The following SLC6A2 variants were observed in gnomAD, a reference collection of about 807,000 sequenced individuals.
SLC6A2 encodes sodium-dependent noradrenaline transporter.
Under a neutral mutation model 71.7 loss-of-function variants are expected in SLC6A2, and 26 were observed. The observed-to-expected ratio is 0.36, with a 90% confidence interval of 0.27 to 0.50. The LOEUF (loss-of-function observed/expected upper bound fraction) is 0.50. Among genes scored for constraint, SLC6A2 ranks in the 20% least tolerant of loss-of-function variants. The pLI is 0.96. For missense variants in SLC6A2, 581 were observed against 803.9 expected (o/e 0.72, Z 3.35); for synonymous variants, 363 against 337.9 (o/e 1.07, Z -0.82).
At chr16:55,665,195 A>T (rs534653584) in intron 2 of SLC6A2, among the ~76,000 whole-genome samples, 4 of 152,236 alleles carry the variant, frequency 2.6e-5, no homozygotes, top group Non-Finnish European at 4.4e-5. Context: ...CTTGAACTTT[A>T]TAATAGAACT....
intron 4 of SLC6A2, among the ~76,000 whole-genome samples, chr16:55,677,303 CAT>C (rs59682566): frequency 0.037 from 5,704 of 152,214 alleles, 374 homozygotes; most frequent in African/African-American, 0.13. Context: ...GCTGCCGACA[CAT>C]GTGATTGGTT....
In SLC6A2 at chr16:55,671,934, C is replaced by G. The variant is rs747006928; in HGVS notation, c.407-4C>G. ...CTCCTACCTTACCCCCTGTCCCTGCCCAGGCGTTGGCTATGCTGTCATCCT... is the reference window on the plus strand; with the variant it reads ...CTCCTACCTTACCCCCTGTCCCTGCGCAGGCGTTGGCTATGCTGTCATCCT... On this transcript the variant is annotated splice_polypyrimidine_tract_variant and splice_region_variant and intron_variant, in intron 3 of 14. Transcript: ENST00000568943. 4 of 1,614,054 alleles carry G rather than the reference C, an allele frequency of 2.5e-6. No individual in the cohort carries two copies. In the South Asian group the frequency reaches 4.4e-5, roughly 18 times the overall value.
At chr16:55,696,187 G>GT (rs1204451557) in intron 8 of SLC6A2, 38 bp from the exon 9 acceptor site, 1 of 1,267,456 alleles carries the variant, frequency 7.9e-7, no homozygotes, top group South Asian at 1.2e-5. Context: ...CAGACCAATG[G>GT]TTTCAGCCAT....
intron 4 of SLC6A2, among the ~76,000 whole-genome samples, chr16:55,679,970 C>A (rs1965219071): frequency 6.6e-6 from 1 of 152,220 alleles, no homozygotes; most frequent in Non-Finnish European, 1.5e-5. Flanking sequence ...TAGCAGCTAG[C>A]AGCATCCCTG....
intron 4 of SLC6A2, among the ~76,000 whole-genome samples, chr16:55,672,550 C>T (rs961491934): frequency 1.2e-4 from 18 of 152,132 alleles, no homozygotes; most frequent in African/African-American, 4.3e-4. Flanking sequence ...AGAACGGTTG[C>T]GTGGGTAGTC....
chr16:55,680,740 G>A (rs1367881070), intron 4 of SLC6A2, among the ~76,000 whole-genome samples: 8 of 152,174 alleles, frequency 5.3e-5, no homozygotes, highest in Admixed American at 5.2e-4. Flanking sequence ...GACAGAATGT[G>A]GGTCTGGCCT....
At position 55,705,366 on chromosome 16, in the gene SLC6A2, A is replaced by G. The variant is rs1966079730; in HGVS notation, c.*3020A>G. On this transcript the variant is annotated 3_prime_UTR_variant, in exon 15 of 15. Coordinates refer to ENST00000568943, the MANE Select transcript of SLC6A2 (RefSeq NM_001172501.3). ...ATATGATCTGTTTTCTAGCCTCGCT[A>G]ATGTGAGACTGAAGCATTCTTACCA... is the stretch of plus-strand genomic sequence containing the variant. 1.3e-6 allele frequency: 1 copy of G among 774,224 alleles called. No individual in the cohort carries two copies. Among genetic ancestry groups the G allele is most frequent in the Non-Finnish European group, 2.1e-6 (1 of 485,080 alleles). 48.0% of individuals were successfully genotyped at this position (774,224 alleles called of 1,614,324 possible).
Position 55,656,532 on chromosome 16 carries a change from G to A in SLC6A2, c.-51-112G>A. On this transcript the variant is annotated intron_variant, in intron 1 of 14. Coordinates refer to ENST00000568943, the MANE Select transcript of SLC6A2 (RefSeq NM_001172501.3). The surrounding 1 kb of genome is among the most constrained non-coding windows in gnomAD (Gnocchi z 4.5). Reference sequence around the variant, plus strand: ...GCGCGCCCTTTTCTGGGAACCCTGCGTCCGCTCAGCGCGCGCTCATCCCAG... The same window carrying A: ...GCGCGCCCTTTTCTGGGAACCCTGCATCCGCTCAGCGCGCGCTCATCCCAG... 2 of 856,160 alleles carry A rather than the reference G, an allele frequency of 2.3e-6. No individual in the cohort carries two copies. The highest frequency in any genetic ancestry group is 1.5e-5 in the South Asian group (1 of 67,452). 53.0% of individuals were successfully genotyped at this position (856,160 alleles called of 1,614,324 possible).
chr16:55,671,595 T>G lies in SLC6A2; in HGVS notation c.407-343T>G, dbSNP rs185437349. ...CTCGCATGACCGCCTGAGCTCCGCC[T>G]CCTGTCAGATCAGCCGCTGCACTAG... On this transcript the variant is annotated intron_variant, in intron 3 of 14. Transcript: ENST00000568943. The G allele has an allele frequency of 1.6e-4, 81 of 497,870 alleles. 1 individual carries two copies. The highest frequency in any genetic ancestry group is 1.4e-3 in the African/African-American group (75 of 52,606). The allele number at this position is 497,870 out of a possible 1,614,324, so 30.8% of individuals were successfully genotyped here.
intron 2 of SLC6A2, among the ~76,000 whole-genome samples, chr16:55,665,910 C>T (rs1368813664): frequency 6.6e-6 from 1 of 152,228 alleles, no homozygotes; most frequent in African/African-American, 2.4e-5. Context: ...CTAAATTCAT[C>T]CAAAGGCCAC....
At chr16:55,698,444 T>C (rs1174558956) in intron 10 of SLC6A2, 25 bp from the exon 11 acceptor site, 3 of 1,564,116 alleles carry the variant, frequency 1.9e-6, no homozygotes. Flanking sequence ...AGAGGGCCTC[T>C]TGGCTTCTTC....
chr16:55,699,511 A>G (rs769434415), intron 11 of SLC6A2, 43 bp from the exon 12 acceptor site: 2 of 1,512,656 alleles, frequency 1.3e-6, no homozygotes, highest in Non-Finnish European at 1.8e-6. Flanking sequence ...GGCCCTGGCT[A>G]TCATGGGGGC....
chr16:55,682,852 C>T (rs1965319268), intron 4 of SLC6A2, among the ~76,000 whole-genome samples: 2 of 152,248 alleles, frequency 1.3e-5, no homozygotes, highest in South Asian at 4.1e-4. Context: ...TTGGGGGCCC[C>T]TGCAGCTCCC....
At chr16:55,698,339 C>T in intron 10 of SLC6A2, 130 bp from the exon 11 acceptor site, 1 of 754,840 alleles carries the variant, frequency 1.3e-6, no homozygotes, top group African/African-American at 1.7e-5. Flanking sequence ...CACCACAGCC[C>T]TATGCCCTGG....
chr16:55,705,312 T>C lies in SLC6A2; in HGVS notation c.*2966T>C. ...AGCTGCCTTAATTCTCAAAAGGAGT[T>C]ACCGCTCAGCTGGGAGCCAGTTCCT... On this transcript the variant is annotated 3_prime_UTR_variant, in exon 15 of 15. Coordinates refer to ENST00000568943, the MANE Select transcript of SLC6A2 (RefSeq NM_001172501.3). The C allele has an allele frequency of 6.9e-7, 1 of 1,452,908 alleles. No homozygotes were observed. Among genetic ancestry groups the C allele is most frequent in the Non-Finnish European group, 9.3e-7 (1 of 1,072,940 alleles). 90.0% of individuals were successfully genotyped at this position (1,452,908 alleles called of 1,614,324 possible).
chr16:55,673,220 A>G (rs1228043551), intron 4 of SLC6A2, among the ~76,000 whole-genome samples: 1 of 152,164 alleles, frequency 6.6e-6, no homozygotes, highest in East Asian at 1.9e-4. Flanking sequence ...GTGGTTATGC[A>G]TTTTGGCGTG....
intron 6 of SLC6A2, among the ~76,000 whole-genome samples, chr16:55,693,559 G>A (rs1302372224): frequency 6.6e-5 from 10 of 152,204 alleles, no homozygotes; most frequent in South Asian, 6.2e-4. Context: ...GATTAAATAC[G>A]TAAGCCCCAT....
In SLC6A2 at chr16:55,695,338, C is replaced by T. The variant is rs1381208710; in HGVS notation, c.1083C>T (p.Ile361=). 1 of 1,614,218 alleles carries T rather than the reference C, an allele frequency of 6.2e-7. No individual in the cohort carries two copies. Among genetic ancestry groups the T allele is most frequent in the Non-Finnish European group, 8.5e-7 (1 of 1,180,022 alleles). Residue 361 remains isoleucine (I), a synonymous_variant, in exon 8 of 15, where the codon ATC becomes ATT. Coordinates refer to ENST00000568943, the MANE Select transcript of SLC6A2 (RefSeq NM_001172501.3). Reference sequence around the variant, plus strand: ...CCAGCTTCGTCTCTGGGTTCGCCATCTTCTCCATCCTTGGTTACATGGCCC... The same window carrying T: ...CCAGCTTCGTCTCTGGGTTCGCCATTTTCTCCATCCTTGGTTACATGGCCC... The part of the protein sequence containing the change: ...CITSFVSGFA[I]FSILGYMAHE...
At position 55,656,389 on chromosome 16, in the gene SLC6A2, T is replaced by G. The variant is rs1964447948; in HGVS notation, c.-52+220T>G. On this transcript the variant is annotated intron_variant, in intron 1 of 14. Transcript: ENST00000568943. The surrounding 1 kb of genome is among the most constrained non-coding windows in gnomAD (Gnocchi z 4.5). ...CCCAGCCATTTGGGGCAGGCGAGAGTGGGTGAACGAGGAAAAGTGCTGCAG... is the reference window on the plus strand; with the variant it reads ...CCCAGCCATTTGGGGCAGGCGAGAGGGGGTGAACGAGGAAAAGTGCTGCAG... The G allele has an allele frequency of 2.1e-6, 1 of 483,450 alleles. No individual in the cohort carries two copies. The allele number at this position is 483,450 out of a possible 1,614,324, so 29.9% of individuals were successfully genotyped here. A position where few individuals can be genotyped will look rare whatever the true frequency, so the allele number is the denominator to read the frequency against.
Sources: gnomAD v4.1 joint callset for allele counts (sites outside exome capture counted in the v4.1 genomes callset) on GRCh38, gnomAD v4.1.1 for gene constraint, Gnocchi (gnomAD v3.1) non-coding constraint, MANE v1.5 for transcripts, NCBI Gene and HGNC (gene_info 2026-07-23, HGNC 2026-07-21) for gene names.